Variants in SFMBT2 observed in about 807,000 individuals in gnomAD.
SFMBT2 encodes the protein scm-like with four MBT domains protein 2.
SFMBT2 carries 38 observed loss-of-function variants against 110.1 expected under a neutral mutation model. The observed-to-expected ratio is 0.35, with a 90% CI of 0.27 to 0.45. SFMBT2 has a LOEUF of 0.45. Ranked by LOEUF, SFMBT2 falls within the 20% of genes least tolerant of loss-of-function variation. The pLI, the probability that SFMBT2 is intolerant of heterozygous loss-of-function variation, is 1.00. For synonymous variants in SFMBT2, 425 were observed against 425.4 expected, an observed-to-expected ratio of 1.00 and a Z score of 0.01; for missense variants, 1,011 against 1,094.9, an observed-to-expected ratio of 0.92 and a Z score of 1.08.
rs1213849078 is a variant in SFMBT2 at position 7,204,845 on chromosome 10, CCT to C, written c.1444+968_1444+969del. ...CCGAGATAGCGCCATTGCACTCCAG[CCT>C]GGGCAACAAGAGCGAAACTCCATCT... On this transcript the variant is annotated intron_variant, in intron 12 of 20. Coordinates refer to ENST00000397167, the MANE Select transcript of SFMBT2 (RefSeq NM_001387889.1). The C allele has an allele frequency of 5.7e-6, 4 of 702,210 alleles. No homozygotes were observed. The African/African-American group carries it at 7.8e-5, about 14-fold the overall frequency. 43.5% of individuals were successfully genotyped at this position (702,210 alleles called of 1,614,324 possible).
intron 1 of SFMBT2, among the ~76,000 whole-genome samples, chr10:7,400,212 G>A (rs993765439): frequency 1.4e-4 from 21 of 152,212 alleles, no homozygotes; most frequent in Non-Finnish European, 2.8e-4. Context: ...CAAGGCCACT[G>A]AAGTTCACAG....
intron 8 of SFMBT2, among the ~76,000 whole-genome samples, chr10:7,245,129 G>C (rs1052703647): frequency 1.3e-5 from 2 of 152,030 alleles, no homozygotes; most frequent in African/African-American, 4.8e-5. Context: ...ACTGCTACCG[G>C]GGGGCACAGT....
Position 7,200,467 on chromosome 10 carries a change from G to A in SFMBT2, c.1505C>T (p.Pro502Leu). 7 of 1,600,700 alleles carry A rather than the reference G, an allele frequency of 4.4e-6. No individual in the cohort carries two copies. In the South Asian group the frequency reaches 5.6e-5, roughly 13 times the overall value. ...AAGGTCATGAGGTATTTTCTTAACA[G>A]GCACTGTGGGCGGCAATCTGTCAAC... ...QPEKQLPPTV[P>L]VKKIPHDLCL... The change falls in exon 14 of 21, where the codon CCT becomes CTT. Residue 502 changes from proline (P) to leucine (L), a missense_variant. By Grantham distance (98) the Pro-to-Leu change is moderately conservative (BLOSUM62 -3). This residue lies in a region of SFMBT2 where 979 missense variants were observed against 1,016.1 expected (regional missense o/e 0.96). Coordinates refer to ENST00000397167, the MANE Select transcript of SFMBT2 (RefSeq NM_001387889.1).
intron 4 of SFMBT2, among the ~76,000 whole-genome samples, chr10:7,357,792 C>T (rs1003619477): frequency 6.6e-6 from 1 of 152,244 alleles, no homozygotes; most frequent in African/African-American, 2.4e-5. Flanking sequence ...CACAAACCAA[C>T]CATTCCCTGA....
At chr10:7,235,561 CACAT>C (rs775806217) in intron 9 of SFMBT2, among the ~76,000 whole-genome samples, 57 of 151,576 alleles carry the variant, frequency 3.8e-4, no homozygotes, top group African/African-American at 1.2e-3. Context: ...ACACAGCACA[CACAT>C]ACAGACACAT....
Position 7,255,209 on chromosome 10 carries a change from G to C in SFMBT2, c.871-6560C>G, listed in dbSNP as rs545534124. 3.3e-5 allele frequency among the ~76,000 whole-genome samples: 5 copies of C among 152,286 alleles called. No homozygotes were observed. The East Asian group carries it at 9.7e-4, about 29-fold the overall frequency. Reference sequence around the variant, plus strand: ...AATGTCAAGGACAGAGAGAGTTCCTGGGTCCTGAAGACAATTCGCCAAACC... The same window carrying C: ...AATGTCAAGGACAGAGAGAGTTCCTCGGTCCTGAAGACAATTCGCCAAACC... On this transcript the variant is annotated intron_variant, in intron 7 of 20. Transcript: ENST00000397167.
chr10:7,332,014 T>TCAA (rs1843573550), intron 4 of SFMBT2, among the ~76,000 whole-genome samples: 1 of 36,448 alleles, frequency 2.7e-5, no homozygotes, highest in Non-Finnish European at 4.8e-5. Flanking sequence ...AGACTCTGTC[T>TCAA]CAAAAAAAAA....
chr10:7,211,447 G>A (rs1480517349), intron 11 of SFMBT2, among the ~76,000 whole-genome samples: 2 of 152,130 alleles, frequency 1.3e-5, no homozygotes, highest in Non-Finnish European at 2.9e-5. Context: ...CTGGAGAGGC[G>A]ATTCCCCGGC....
chr10:7,198,134 T>C (rs1838837218), intron 14 of SFMBT2: 1 of 985,392 alleles, frequency 1.0e-6, no homozygotes, highest in Non-Finnish European at 1.2e-6. Context: ...CAATATATGA[T>C]ATATTAAACA....
chr10:7,395,291 A>AG (rs200684277), intron 1 of SFMBT2, among the ~76,000 whole-genome samples: 2,713 of 152,316 alleles, frequency 0.018, 74 homozygotes, highest in African/African-American at 0.059. Context: ...AGGAAAAAAA[A>AG]AGAATTCTAC....
intron 1 of SFMBT2, among the ~76,000 whole-genome samples, chr10:7,395,678 T>C (rs1845904313): frequency 6.6e-6 from 1 of 151,802 alleles, no homozygotes; most frequent in Admixed American, 6.6e-5. Context: ...CCATTGAGTT[T>C]TACATTTTAA....
intron 16 of SFMBT2, among the ~76,000 whole-genome samples, chr10:7,179,409 A>G (rs150901189): frequency 6.6e-6 from 1 of 151,244 alleles, no homozygotes; most frequent in Admixed American, 6.6e-5. Context: ...AAAAAAAAAA[A>G]AAAAAAACAA....
At chr10:7,390,917 T>C (rs1170226391) in intron 1 of SFMBT2, among the ~76,000 whole-genome samples, 1 of 152,056 alleles carries the variant, frequency 6.6e-6, no homozygotes, top group Non-Finnish European at 1.5e-5. Flanking sequence ...CTGACCAACA[T>C]GGTGAAACCC....
chr10:7,385,861 G>T (rs759655430), intron 1 of SFMBT2, among the ~76,000 whole-genome samples: 2 of 152,142 alleles, frequency 1.3e-5, no homozygotes, highest in South Asian at 2.1e-4. Context: ...TTAGCCAGGC[G>T]TGGTGGTGGG....
chr10:7,286,905 T>C (rs556914860), intron 4 of SFMBT2, among the ~76,000 whole-genome samples: 1 of 152,036 alleles, frequency 6.6e-6, no homozygotes, highest in South Asian at 2.1e-4. Context: ...GCTTAACAAA[T>C]GGGACATCTC....
rs1842072044 is a variant in SFMBT2 at position 7,285,904 on chromosome 10, T to A, written c.487A>T (p.Thr163Ser). ...TTGGCGGGTGCTGTCCTCGAACCAGTCAAGTCACGTATGAGAAATTCTGTC... is the reference window on the plus strand; with the variant it reads ...TTGGCGGGTGCTGTCCTCGAACCAGACAAGTCACGTATGAGAAATTCTGTC... ...DWTEFLIRDL[T>S]GSRTAPANLL... is the part of the protein sequence containing the mutation. The change falls in exon 5 of 21, where the codon ACT (threonine) becomes TCT (serine). Residue 163 changes from threonine to serine, a missense_variant. Thr to Ser is a moderately conservative substitution (Grantham distance 58). Coordinates refer to ENST00000397167, the MANE Select transcript of SFMBT2 (RefSeq NM_001387889.1). 1 of 872,580 alleles carries A rather than the reference T, an allele frequency of 1.1e-6. No individual in the cohort carries two copies. The highest frequency in any genetic ancestry group is 1.6e-5 in the African/African-American group (1 of 61,406). The allele number at this position is 872,580 out of a possible 1,614,324, so 54.1% of individuals were successfully genotyped here.
rs1235613686 is a variant in SFMBT2, at chr10:7,172,321, A to G, written c.2152-163T>C. On this transcript the variant is annotated intron_variant, in intron 18 of 20. Transcript: ENST00000397167. The surrounding 1 kb of genome is among the most constrained non-coding windows in gnomAD (Gnocchi z 4.6). ...CTACGAGGCCCTTCCCAGCCAAAGC[A>G]GCTGGACACACTACATTTGTTTTCA... The G allele has an allele frequency of 2.0e-6, 2 of 984,522 alleles. No individual in the cohort carries two copies. The highest frequency in any genetic ancestry group is 3.5e-5 in the African/African-American group (2 of 57,242). 61.0% of individuals were successfully genotyped at this position (984,522 alleles called of 1,614,324 possible). A position where few individuals can be genotyped will look rare whatever the true frequency, so the allele number is the denominator to read the frequency against.
At chr10:7,290,073 A>C (rs139454719) in intron 4 of SFMBT2, among the ~76,000 whole-genome samples, 1 of 152,190 alleles carries the variant, frequency 6.6e-6, no homozygotes, top group Non-Finnish European at 1.5e-5. Flanking sequence ...CACACATGAA[A>C]CATCAGGAAA....
At position 7,349,440 on chromosome 10, in the gene SFMBT2, C is replaced by CTTTTTTTTTTTTTTTTTTTTTTTTTTTTT. The variant is rs369479041; in HGVS notation, c.436+18208_436+18209insAAAAAAAAAAAAAAAAAAAAAAAAAAAAA. Among the ~76,000 whole-genome samples the CTTTTTTTTTTTTTTTTTTTTTTTTTTTTT allele has an allele frequency of 7.0e-4, 33 of 46,888 alleles. 8 individuals are homozygous for CTTTTTTTTTTTTTTTTTTTTTTTTTTTTT. The highest frequency in any genetic ancestry group is 9.6e-4 in the Non-Finnish European group (27 of 28,232). The allele number at this position is 46,888 out of a possible 152,430, so 30.8% of individuals were successfully genotyped here. ...CCCTGACTCTTTTTTCTTTTCTTTTCTTTTTTTTTTTTTTTTTTTTTTTTT... is the reference window on the plus strand; with the variant it reads ...CCCTGACTCTTTTTTCTTTTCTTTTCTTTTTTTTTTTTTTTTTTTTTTTTTTTTTTTTTTTTTTTTTTTTTTTTTTTTTT... On this transcript the variant is annotated intron_variant, in intron 4 of 20. Transcript: ENST00000397167.
Sources: gnomAD v4.1 joint callset for allele counts (sites outside exome capture counted in the v4.1 genomes callset) on GRCh38, gnomAD v4.1.1 for gene constraint, gnomAD v4.1.1 regional missense constraint, Gnocchi (gnomAD v3.1) non-coding constraint, MANE v1.5 for transcripts, NCBI Gene and HGNC (gene_info 2026-07-23, HGNC 2026-07-21) for gene names.